SPATS2L: variants seen among roughly 807,000 people sequenced by gnomAD.
SPATS2L encodes SPATS2-like protein.
In SPATS2L, 30 loss-of-function variants were observed where a neutral mutation model predicts 59.6. That is an observed-to-expected ratio of 0.50 (90% CI 0.38 to 0.68). SPATS2L has a LOEUF of 0.68. Among genes scored for constraint, SPATS2L ranks in the 30% least tolerant of loss-of-function variants. The probability of loss-of-function intolerance (pLI) is 0.00; values close to 1 mark genes in which losing one functional copy is unlikely to be tolerated. For missense variants in SPATS2L, 615 were observed against 700.0 expected, an observed-to-expected ratio of 0.88 and a Z score of 1.37; for synonymous variants, 252 against 263.5, an observed-to-expected ratio of 0.96 and a Z score of 0.42.
chr2:200,413,754 T>C (rs2082964727), intron 4 of SPATS2L, among the ~76,000 whole-genome samples: 1 of 152,218 alleles, frequency 6.6e-6, no homozygotes, highest in South Asian at 2.1e-4. Context: ...ATGCTCACAT[T>C]CTGATATCAG....
intron 2 of SPATS2L, among the ~76,000 whole-genome samples, chr2:200,360,435 T>C (rs758276814): frequency 1.8e-4 from 27 of 152,166 alleles, no homozygotes; most frequent in Non-Finnish European, 3.1e-4. Flanking sequence ...AGTGGGACAT[T>C]ACATCCCCTT....
At position 200,479,993 on chromosome 2, in the gene SPATS2L, T is replaced by C. The variant is rs2087739810; in HGVS notation, c.*1962T>C. ...GGCACTGTAGGCCCTGTTTACCCCA[T>C]CTGAGGCCCTGAATTCATATATTAC... On this transcript the variant is annotated 3_prime_UTR_variant, in exon 13 of 13. Transcript: ENST00000409140. 4 of 368,408 alleles carry C rather than the reference T, an allele frequency of 1.1e-5. No individual in the cohort carries two copies. The highest frequency in any genetic ancestry group is 4.6e-5 in the Admixed American group (1 of 21,776). 22.8% of individuals were successfully genotyped at this position (368,408 alleles called of 1,614,324 possible). A position where few individuals can be genotyped will look rare whatever the true frequency, so the allele number is the denominator to read the frequency against.
chr2:200,393,244 C>A (rs894660523), intron 3 of SPATS2L: 4 of 456,780 alleles, frequency 8.8e-6, no homozygotes, highest in African/African-American at 6.0e-5. Flanking sequence ...TTGATCCCTG[C>A]AAAACATGGC....
chr2:200,360,967 C>CTG (rs145080452), intron 2 of SPATS2L, among the ~76,000 whole-genome samples: 2,289 of 140,284 alleles, frequency 0.016, 47 homozygotes, highest in African/African-American at 0.047. Flanking sequence ...CAGAACAGGG[C>CTG]TGTGTGTGTG....
chr2:200,365,757 A>C (rs2081249119), intron 2 of SPATS2L, among the ~76,000 whole-genome samples: 1 of 152,062 alleles, frequency 6.6e-6, no homozygotes, highest in South Asian at 2.1e-4. Context: ...GTTTGCCCTC[A>C]TCTCACCCCC....
chr2:200,407,716 T>C (rs1026894822), intron 3 of SPATS2L, among the ~76,000 whole-genome samples: 4 of 152,216 alleles, frequency 2.6e-5, no homozygotes, highest in East Asian at 1.9e-4. Context: ...GTCTCTGTTA[T>C]TGAAATTTAA....
intron 2 of SPATS2L, among the ~76,000 whole-genome samples, chr2:200,385,910 G>T (rs1000706707): frequency 6.6e-6 from 1 of 152,116 alleles, no homozygotes; most frequent in African/African-American, 2.4e-5. Context: ...AGCCAGGATG[G>T]TCTCGATCTC....
chr2:200,353,793 A>G (rs2080818359), intron 2 of SPATS2L, among the ~76,000 whole-genome samples: 1 of 151,794 alleles, frequency 6.6e-6, no homozygotes, highest in Non-Finnish European at 1.5e-5. Context: ...GGTCTAAAAC[A>G]GAAATATGCA....
At chr2:200,311,496 C>T (rs904697148) in intron 1 of SPATS2L, among the ~76,000 whole-genome samples, 1 of 152,188 alleles carries the variant, frequency 6.6e-6, no homozygotes, top group East Asian at 1.9e-4. Context: ...ATACGTCAAA[C>T]AATTAGGCTA....
chr2:200,416,800 T>C (rs1052566071), intron 5 of SPATS2L, among the ~76,000 whole-genome samples: 1 of 152,132 alleles, frequency 6.6e-6, no homozygotes, highest in African/African-American at 2.4e-5. Flanking sequence ...CTTGAAAACT[T>C]CTAAATATAT....
At chr2:200,445,367 A>AT (rs1240923802) in intron 8 of SPATS2L, among the ~76,000 whole-genome samples, 3 of 152,190 alleles carry the variant, frequency 2.0e-5, no homozygotes, top group African/African-American at 7.2e-5. Context: ...AGAAAAAGCT[A>AT]TTTTGAAATA....
intron 2 of SPATS2L, among the ~76,000 whole-genome samples, chr2:200,350,775 T>A (rs2105843190): frequency 6.6e-6 from 1 of 152,294 alleles, no homozygotes; most frequent in African/African-American, 2.4e-5. Flanking sequence ...CCTCAAGTGA[T>A]CTGCCCACTT....
chr2:200,334,846 G>A (rs568273838), intron 2 of SPATS2L, among the ~76,000 whole-genome samples: 1 of 152,146 alleles, frequency 6.6e-6, no homozygotes, highest in South Asian at 2.1e-4. Context: ...TATTTCTGAG[G>A]GCTCTGTTCT....
At chr2:200,357,650 C>A (rs986733962) in intron 2 of SPATS2L, among the ~76,000 whole-genome samples, 4 of 152,108 alleles carry the variant, frequency 2.6e-5, no homozygotes, top group Non-Finnish European at 5.9e-5. Context: ...TTTTAAAGCA[C>A]AGGTTGTTTT....
At chr2:200,377,690 C>T (rs956632531) in intron 2 of SPATS2L, among the ~76,000 whole-genome samples, 1 of 152,232 alleles carries the variant, frequency 6.6e-6, no homozygotes, top group African/African-American at 2.4e-5. Context: ...CAGGCAAGAA[C>T]TTCACTTCCT....
intron 2 of SPATS2L, among the ~76,000 whole-genome samples, chr2:200,388,487 G>A (rs189810143): frequency 6.2e-4 from 94 of 152,044 alleles, no homozygotes; most frequent in African/African-American, 2.2e-3. Flanking sequence ...TGGCAGGATC[G>A]CTTGAGTTGA....
intron 1 of SPATS2L, among the ~76,000 whole-genome samples, chr2:200,310,349 T>C (rs893621669): frequency 2.0e-5 from 3 of 152,224 alleles, no homozygotes; most frequent in African/African-American, 7.2e-5. Flanking sequence ...AACTGTGTTA[T>C]CAAGTCCTGT....
chr2:200,383,272 C>T (rs1332630135), intron 2 of SPATS2L, among the ~76,000 whole-genome samples: 2 of 151,958 alleles, frequency 1.3e-5, no homozygotes, highest in Non-Finnish European at 2.9e-5. Flanking sequence ...TTCTAGCAGT[C>T]ACATTAAAAA....
chr2:200,362,719 A>G (rs770481723), intron 2 of SPATS2L, among the ~76,000 whole-genome samples: 1 of 152,194 alleles, frequency 6.6e-6, no homozygotes, highest in African/African-American at 2.4e-5. Context: ...GTGGCTTTGT[A>G]GCGCCAGCCT....
Sources: gnomAD v4.1 joint callset for allele counts (sites outside exome capture counted in the v4.1 genomes callset) on GRCh38, gnomAD v4.1.1 for gene constraint, MANE v1.5 for transcripts, NCBI Gene and HGNC (gene_info 2026-07-23, HGNC 2026-07-21) for gene names.